The following TLN2 variants were observed in gnomAD, a reference collection of about 807,000 sequenced individuals.
TLN2 encodes the protein talin-2.
In TLN2, 118 loss-of-function variants were observed where a neutral mutation model predicts 294.7. That is an observed-to-expected ratio of 0.40 (90% CI 0.34 to 0.47). The LOEUF is 0.47. TLN2 is among the 20% of genes least tolerant of loss of function. TLN2 has a pLI of 0.84. For missense variants in TLN2, 3,083 were observed against 3,282.2 expected (o/e 0.94, Z 1.48); for synonymous variants, 1,431 against 1,304.5 (o/e 1.10, Z -2.09).
intron 1 of TLN2, among the ~76,000 whole-genome samples, chr15:62,449,178 A>G (rs890054788): frequency 3.3e-5 from 5 of 152,198 alleles, no homozygotes; most frequent in Non-Finnish European, 2.9e-5. Flanking sequence ...AGCCCTGGCG[A>G]TGCAGCAAGT....
intron 54 of TLN2, among the ~76,000 whole-genome samples, chr15:62,824,880 C>A (rs2067902332): frequency 6.6e-6 from 1 of 152,200 alleles, no homozygotes; most frequent in South Asian, 2.1e-4. Context: ...GCACTGCTTT[C>A]TGGAAAGAGA....
chr15:62,741,748 C>CGCGCGCGCGCGTGTGTGTGTGT, intron 32 of TLN2, among the ~76,000 whole-genome samples: 4,094 of 131,110 alleles, frequency 0.031, 95 homozygotes, highest in Non-Finnish European at 0.042. Context: ...AAAATTTGCG[C>CGCGCGCGCGCGTGTGTGTGTGT]GTGTGTGTGT....
chr15:62,789,374 C>T (rs1016753404), intron 45 of TLN2, among the ~76,000 whole-genome samples: 4 of 152,126 alleles, frequency 2.6e-5, no homozygotes, highest in African/African-American at 9.7e-5. Flanking sequence ...TTCCTTGGAG[C>T]TTCTTAACTG....
Position 62,839,000 on chromosome 15 carries a change from A to C in TLN2, c.7500+19A>C. On this transcript the variant is annotated intron_variant, in intron 58 of 58. Coordinates refer to ENST00000636159, the MANE Select transcript of TLN2 (RefSeq NM_015059.3). Reference sequence around the variant, plus strand: ...TGCTCAGGTTTGTAATTAAATCAAGAATAGTATTTACTTCCCGAGAGAGGT... The same window carrying C: ...TGCTCAGGTTTGTAATTAAATCAAGCATAGTATTTACTTCCCGAGAGAGGT... 1 of 1,612,104 alleles carries C rather than the reference A, an allele frequency of 6.2e-7. No homozygotes were observed. Among genetic ancestry groups the C allele is most frequent in the Non-Finnish European group, 8.5e-7 (1 of 1,179,286 alleles).
In TLN2 at chr15:62,491,338, ATATAT is replaced by A. The variant is rs1426467269; in HGVS notation, c.-237-98348_-237-98344del. On this transcript the variant is annotated intron_variant, in intron 1 of 58. Transcript: ENST00000636159. ...CAAGACTCTGTCTCAAAAAAAAAAA[ATATAT>A]ATATATATACACACACACACACACA... Among the ~76,000 whole-genome samples, 613 of 85,400 alleles carry A rather than the reference ATATAT, an allele frequency of 7.2e-3. 7 individuals are homozygous for A. Among genetic ancestry groups the A allele is most frequent in the African/African-American group, 0.021 (557 of 26,508 alleles). 56.0% of individuals were successfully genotyped at this position (85,400 alleles called of 152,430 possible).
chr15:62,581,680 G>A (rs1215591590), intron 1 of TLN2, among the ~76,000 whole-genome samples: 1 of 152,140 alleles, frequency 6.6e-6, no homozygotes, highest in Non-Finnish European at 1.5e-5. Context: ...GTAAAATAGT[G>A]TATTTCCCTA....
intron 1 of TLN2, among the ~76,000 whole-genome samples, chr15:62,453,302 G>A (rs1189425625): frequency 6.6e-6 from 1 of 150,434 alleles, no homozygotes; most frequent in Non-Finnish European, 1.5e-5. Flanking sequence ...GATCCTAAAA[G>A]TAGGATTGGA....
At chr15:62,710,207 A>G (rs1424091914) in intron 21 of TLN2, among the ~76,000 whole-genome samples, 1 of 152,228 alleles carries the variant, frequency 6.6e-6, no homozygotes, top group Admixed American at 6.5e-5. Context: ...TTGTAAAAAT[A>G]GTTTACTTTT....
intron 12 of TLN2, among the ~76,000 whole-genome samples, chr15:62,687,146 C>A (rs1020680217): frequency 6.6e-6 from 1 of 152,172 alleles, no homozygotes; most frequent in East Asian, 1.9e-4. Flanking sequence ...CTCTGAGACA[C>A]AAAGGCCCCC....
intron 1 of TLN2, among the ~76,000 whole-genome samples, chr15:62,414,983 C>T (rs2033994966): frequency 7.1e-6 from 1 of 141,106 alleles, no homozygotes; most frequent in African/African-American, 2.5e-5. Flanking sequence ...GTGATCTCGG[C>T]TCCCTGCAAC....
intron 1 of TLN2, among the ~76,000 whole-genome samples, chr15:62,392,178 T>A (rs764170194): frequency 3.3e-5 from 5 of 152,192 alleles, no homozygotes; most frequent in African/African-American, 4.8e-5. Context: ...TTTCCAGAAG[T>A]TGGGGCTTCA....
At chr15:62,466,359 A>C (rs548925910) in intron 1 of TLN2, among the ~76,000 whole-genome samples, 55 of 152,222 alleles carry the variant, frequency 3.6e-4, no homozygotes, top group Non-Finnish European at 6.6e-4. Flanking sequence ...AGTCCTCAGC[A>C]CTGTTGCCGT....
At chr15:62,533,783 C>T (rs534069286) in intron 1 of TLN2, among the ~76,000 whole-genome samples, 1 of 152,304 alleles carries the variant, frequency 6.6e-6, no homozygotes, top group Admixed American at 6.5e-5. Flanking sequence ...AGAAGTTGGT[C>T]TTTCTGTCCA....
chr15:62,510,846 A>G (rs2039894267), intron 1 of TLN2, among the ~76,000 whole-genome samples: 1 of 152,260 alleles, frequency 6.6e-6, no homozygotes, highest in South Asian at 2.1e-4. Context: ...CCCCCAGAGA[A>G]TCCAGTTACG....
chr15:62,702,532 GC>G (rs2141101323), intron 18 of TLN2, among the ~76,000 whole-genome samples: 1 of 152,262 alleles, frequency 6.6e-6, no homozygotes, highest in Admixed American at 6.5e-5. Context: ...AATGAACAAG[GC>G]TCACTAATTG....
chr15:62,701,033 T>C, intron 16 of TLN2, 73 bp from the exon 17 acceptor site: 3 of 1,260,116 alleles, frequency 2.4e-6, no homozygotes, highest in Middle Eastern at 4.4e-4. Context: ...GGTGTGATTT[T>C]ATGGCGGGGC....
At chr15:62,770,630 G>C (rs537325917) in intron 41 of TLN2, among the ~76,000 whole-genome samples, 2 of 152,230 alleles carry the variant, frequency 1.3e-5, no homozygotes, top group African/African-American at 4.8e-5. Context: ...TCCTGAGTTT[G>C]TAAGATGTCT....
At chr15:62,675,461 G>GTT (rs2056076083) in intron 11 of TLN2, 140 bp downstream of exon 11, 1 of 783,000 alleles carries the variant, frequency 1.3e-6, no homozygotes, top group African/African-American at 1.7e-5. Context: ...GCTGACCTGC[G>GTT]TTTAGCTGCC....
intron 45 of TLN2, 32 bp downstream of exon 45, chr15:62,783,922 GCA>G (rs762135974): frequency 1.9e-6 from 3 of 1,611,578 alleles, no homozygotes; most frequent in Non-Finnish European, 8.5e-7. Context: ...ATTTTAAGAT[GCA>G]CACACACACT....
Sources: allele counts gnomAD v4.1 joint callset (sites outside exome capture counted in the v4.1 genomes callset), GRCh38; gene constraint gnomAD v4.1.1; transcripts MANE v1.5; gene names NCBI Gene and HGNC (gene_info 2026-07-23, HGNC 2026-07-21).